The following GHR variants were observed in gnomAD, a reference collection of about 807,000 sequenced individuals.
GHR encodes GH receptor.
A neutral mutation model predicts 67.1 loss-of-function variants in GHR; 35 were observed. The observed-to-expected ratio is 0.52, with a 90% CI of 0.40 to 0.69. GHR has a LOEUF of 0.69. Ranked by LOEUF, GHR falls within the 30% of genes least tolerant of loss-of-function variation. The pLI, the probability that GHR is intolerant of heterozygous loss-of-function variation, is 0.00. For synonymous variants in GHR, 272 were observed against 269.1 expected, an observed-to-expected ratio of 1.01 and a Z score of -0.10; for missense variants, 792 against 764.6, an observed-to-expected ratio of 1.04 and a Z score of -0.42.
intron 1 of GHR, chr5:42,549,510 G>A (rs1240748658): frequency 1.1e-5 from 2 of 177,152 alleles, no homozygotes; most frequent in Middle Eastern, 2.9e-3. Flanking sequence ...GAGTGGGGTT[G>A]TTGCTAAGGT....
At chr5:42,476,289 C>T (rs1185891178) in intron 1 of GHR, among the ~76,000 whole-genome samples, 1 of 151,276 alleles carries the variant, frequency 6.6e-6, no homozygotes, top group Non-Finnish European at 1.5e-5. Context: ...GGCACAATCT[C>T]GGCTCACTGC....
intron 1 of GHR, chr5:42,467,038 T>C: frequency 6.4e-7 from 1 of 1,573,868 alleles, no homozygotes; most frequent in South Asian, 1.1e-5. Flanking sequence ...CTTCCCACAC[T>C]CATTACACAT....
intron 2 of GHR, among the ~76,000 whole-genome samples, chr5:42,570,151 AG>A (rs1750208594): frequency 6.6e-6 from 1 of 152,264 alleles, no homozygotes; most frequent in East Asian, 1.9e-4. Context: ...GGTTTCAGTT[AG>A]TAAACAGTAA....
In GHR at chr5:42,500,401, C is replaced by T. The variant is rs373982236; in HGVS notation, c.-11-65463C>T. On this transcript the variant is annotated intron_variant, in intron 1 of 9. Coordinates refer to ENST00000230882, the MANE Select transcript of GHR (RefSeq NM_000163.5). ...GGTTCTGCCCTTCAGGCAAATGACT[C>T]AGTATTTCTTGGCCTCAGCCTCCTC... Among the ~76,000 whole-genome samples, 11 of 152,364 alleles carry T rather than the reference C, an allele frequency of 7.2e-5. No individual in the cohort carries two copies. In the East Asian group the frequency reaches 1.2e-3, roughly 16 times the overall value.
intron 1 of GHR, among the ~76,000 whole-genome samples, chr5:42,432,772 A>G (rs536089221): frequency 2.0e-5 from 3 of 152,356 alleles, no homozygotes; most frequent in Admixed American, 6.5e-5. Flanking sequence ...AAAGAGAAGC[A>G]AGAATAAAGA....
intron 1 of GHR, among the ~76,000 whole-genome samples, chr5:42,447,532 G>A (rs893949649): frequency 2.0e-5 from 3 of 152,068 alleles, no homozygotes; most frequent in Admixed American, 6.6e-5. Flanking sequence ...TTGGTTGATA[G>A]GCATTTAGGC....
At chr5:42,556,291 T>C (rs1308978184) in intron 1 of GHR, among the ~76,000 whole-genome samples, 1 of 152,176 alleles carries the variant, frequency 6.6e-6, no homozygotes, top group African/African-American at 2.4e-5. Context: ...GTAATCATTG[T>C]TAGATTATAT....
chr5:42,495,440 C>A (rs981991906), intron 1 of GHR, among the ~76,000 whole-genome samples: 2 of 152,036 alleles, frequency 1.3e-5, no homozygotes, highest in Non-Finnish European at 2.9e-5. Flanking sequence ...CCTTTGCTTG[C>A]CAGCCTAGTG....
At chr5:42,469,285 G>T (rs1430148134) in intron 1 of GHR, among the ~76,000 whole-genome samples, 1 of 152,208 alleles carries the variant, frequency 6.6e-6, no homozygotes. Context: ...ATATTTTTAT[G>T]TATACAAATA....
intron 1 of GHR, among the ~76,000 whole-genome samples, chr5:42,474,594 C>T (rs11744988): frequency 0.073 from 11,100 of 151,892 alleles, 499 homozygotes; most frequent in African/African-American, 0.12. Context: ...CTGGGAACCA[C>T]GATGGAAGAT....
intron 6 of GHR, among the ~76,000 whole-genome samples, chr5:42,708,175 A>C (rs1026052376): frequency 2.6e-5 from 4 of 152,154 alleles, no homozygotes; most frequent in African/African-American, 4.8e-5. Context: ...AGAATTTATC[A>C]TTTGAGTTTT....
chr5:42,708,959 G>A (rs1758315886), intron 6 of GHR, among the ~76,000 whole-genome samples: 1 of 152,142 alleles, frequency 6.6e-6, no homozygotes, highest in Admixed American at 6.5e-5. Context: ...ACAAAGACCA[G>A]GGGCTTATAT....
chr5:42,676,012 T>G (rs1756554943), intron 3 of GHR, among the ~76,000 whole-genome samples: 1 of 152,142 alleles, frequency 6.6e-6, no homozygotes, highest in Non-Finnish European at 1.5e-5. Context: ...ATTGGCTGGG[T>G]ATGGTGGCTC....
intron 1 of GHR, among the ~76,000 whole-genome samples, chr5:42,470,794 T>G (rs1024159330): frequency 6.6e-6 from 1 of 152,206 alleles, no homozygotes; most frequent in Non-Finnish European, 1.5e-5. Flanking sequence ...GAAGGACTAA[T>G]GAATTTAGTT....
chr5:42,463,417 A>G (rs899838934), intron 1 of GHR, among the ~76,000 whole-genome samples: 22 of 152,242 alleles, frequency 1.4e-4, no homozygotes, highest in African/African-American at 5.3e-4. Context: ...ATAATTAGAT[A>G]TTTAAGTCCT....
chr5:42,543,008 A>G (rs930713572), intron 1 of GHR, among the ~76,000 whole-genome samples: 2 of 152,068 alleles, frequency 1.3e-5, no homozygotes, highest in Non-Finnish European at 2.9e-5. Context: ...GTGTGTATAT[A>G]TCACATTTTA....
chr5:42,504,868 T>G (rs1292236121), intron 1 of GHR, among the ~76,000 whole-genome samples: 1 of 152,246 alleles, frequency 6.6e-6, no homozygotes, highest in Non-Finnish European at 1.5e-5. Flanking sequence ...TACCTTATAT[T>G]CTGGATCTCT....
intron 2 of GHR, among the ~76,000 whole-genome samples, chr5:42,620,703 A>G (rs947335130): frequency 1.3e-5 from 2 of 152,162 alleles, no homozygotes; most frequent in African/African-American, 4.8e-5. Flanking sequence ...TTGTTGATTT[A>G]AAGTTGATAA....
At chr5:42,510,005 A>G (rs2112261565) in intron 1 of GHR, among the ~76,000 whole-genome samples, 1 of 152,296 alleles carries the variant, frequency 6.6e-6, no homozygotes, top group South Asian at 2.1e-4. Flanking sequence ...TGGCATTTCC[A>G]CTTGCATGCC....
Sources: allele counts gnomAD v4.1 joint callset (sites outside exome capture counted in the v4.1 genomes callset), GRCh38; gene constraint gnomAD v4.1.1; transcripts MANE v1.5; gene names NCBI Gene and HGNC (gene_info 2026-07-23, HGNC 2026-07-21).